The following GAK variants were observed in gnomAD, a reference collection of about 807,000 sequenced individuals.
GAK encodes cyclin G associated kinase.
In GAK, 79 loss-of-function variants were observed where a neutral mutation model predicts 143.9. The observed-to-expected ratio is 0.55, with a 90% CI of 0.46 to 0.66. The LOEUF (loss-of-function observed/expected upper bound fraction) is 0.66, where lower values mean the gene tolerates loss of function less well. GAK is among the 30% of genes least tolerant of loss of function. The pLI, the probability that GAK is intolerant of heterozygous loss-of-function variation, is 0.00. For missense variants in GAK, 1,693 were observed against 1,779.7 expected, an observed-to-expected ratio of 0.95 and a Z score of 0.88; for synonymous variants, 881 against 765.5, an observed-to-expected ratio of 1.15 and a Z score of -2.49.
intron 4 of GAK, among the ~76,000 whole-genome samples, chr4:908,903 A>G (rs185715355): frequency 6.6e-6 from 1 of 152,246 alleles, no homozygotes; most frequent in East Asian, 1.9e-4. Context: ...TTGAGACAAG[A>G]GTCTCGGCTC....
At chr4:925,848 G>A (rs1724629147) in intron 1 of GAK, among the ~76,000 whole-genome samples, 1 of 152,230 alleles carries the variant, frequency 6.6e-6, no homozygotes, top group South Asian at 2.1e-4. Flanking sequence ...TAGGCCCCCA[G>A]TGTACGACGT....
At chr4:872,370 C>T (rs1300232428) in intron 18 of GAK, 1 of 152,272 alleles carries the variant, frequency 6.6e-6, no homozygotes, top group Non-Finnish European at 1.5e-5. Flanking sequence ...CCAACACGAG[C>T]TTCCCCCTGC....
At chr4:902,270 C>T (rs1245125585) in intron 5 of GAK, among the ~76,000 whole-genome samples, 1 of 151,294 alleles carries the variant, frequency 6.6e-6, no homozygotes, top group Non-Finnish European at 1.5e-5. Context: ...TCCTCACGTC[C>T]CCAGAGACAT....
chr4:898,206 T>A (rs1411484878), intron 5 of GAK, 48 bp from the exon 6 acceptor site: 1 of 1,605,812 alleles, frequency 6.2e-7, no homozygotes, highest in Non-Finnish European at 8.5e-7. Flanking sequence ...TAGACAGAGA[T>A]GGGACTTCAG....
At chr4:859,184 C>G in intron 24 of GAK, 4 of 985,378 alleles carry the variant, frequency 4.1e-6, no homozygotes, top group Non-Finnish European at 4.8e-6. Context: ...AGCGCCCGGG[C>G]CGGGCCTGAG....
At chr4:865,745 T>C (rs1437705037) in intron 22 of GAK, among the ~76,000 whole-genome samples, 1 of 152,190 alleles carries the variant, frequency 6.6e-6, no homozygotes, top group East Asian at 1.9e-4. Flanking sequence ...CATCCTGCAA[T>C]GGTCACCATC....
intron 1 of GAK, among the ~76,000 whole-genome samples, chr4:922,965 G>A (rs781237570): frequency 3.9e-5 from 6 of 152,174 alleles, no homozygotes; most frequent in Non-Finnish European, 8.8e-5. Flanking sequence ...GTCTCACCAC[G>A]GGAAACAAGC....
At chr4:878,011 CAG>C (rs1417205811) in intron 15 of GAK, among the ~76,000 whole-genome samples, 4 of 152,006 alleles carry the variant, frequency 2.6e-5, no homozygotes, top group East Asian at 1.9e-4. Context: ...ATTTTTAAGA[CAG>C]AGTCTTAAAA....
intron 24 of GAK, among the ~76,000 whole-genome samples, chr4:857,631 G>T (rs1365190666): frequency 2.0e-5 from 3 of 152,168 alleles, no homozygotes; most frequent in Non-Finnish European, 4.4e-5. Flanking sequence ...AGCCTGCGGG[G>T]TCTGCAGTGG....
At chr4:900,133 C>T (rs1719583943) in intron 5 of GAK, among the ~76,000 whole-genome samples, 1 of 152,246 alleles carries the variant, frequency 6.6e-6, no homozygotes, top group African/African-American at 2.4e-5. Context: ...TCGCGTGTGC[C>T]CGTTCCCATT....
intron 6 of GAK, 111 bp downstream of exon 6, chr4:897,922 C>T: frequency 7.8e-7 from 1 of 1,285,844 alleles, no homozygotes; most frequent in Non-Finnish European, 1.0e-6. Context: ...GCACTCCAGC[C>T]TGGTGACAGA....
intron 12 of GAK, among the ~76,000 whole-genome samples, chr4:883,774 C>T (rs2152818499): frequency 6.6e-6 from 1 of 152,364 alleles, no homozygotes; most frequent in African/African-American, 2.4e-5. Context: ...CCTGGTTTTC[C>T]ACGGACACGG....
Position 859,641 on chromosome 4 carries a change from A to G in GAK, c.3248T>C (p.Phe1083Ser). 1.9e-6 allele frequency: 3 copies of G among 1,601,180 alleles called. No individual in the cohort carries two copies. The highest frequency in any genetic ancestry group is 2.6e-6 in the Non-Finnish European group (3 of 1,169,200). Reference protein sequence around the residue: ...SWTKSQNPDPFADLGDLSSGL... With the variant: ...SWTKSQNPDPSADLGDLSSGL... Reference sequence around the variant, plus strand: ...GGAGCTGAGGTCGCCAAGGTCAGCAAATGGGTCCGGGTTCTGAGACTTGGT... The same window carrying G: ...GGAGCTGAGGTCGCCAAGGTCAGCAGATGGGTCCGGGTTCTGAGACTTGGT... The change falls in exon 24 of 28, where the codon TTT becomes TCT. Residue 1083 changes from phenylalanine (F) to serine (S), a missense_variant. Transcript: ENST00000314167.
intron 11 of GAK, chr4:887,561 C>T (rs1335634269): frequency 6.6e-6 from 1 of 150,388 alleles, no homozygotes; most frequent in African/African-American, 2.5e-5. Context: ...CTCACGCACA[C>T]TCACAGGCAC....
chr4:851,898 C>T lies in GAK; in HGVS notation c.3360G>A (p.Gln1120=). The change falls in exon 25 of 28, where the codon CAG becomes CAA. Residue 1120 remains glutamine (Q), a synonymous_variant. Transcript: ENST00000314167. The part of the protein sequence containing the change: ...ATTPKGSSSW[Q]TSRPPAQGAS... ...CGCCCTGGGCTGGCGGCCGACTTGT[C>T]TGCCAGGAGCTGCTGCCTTTGGGCG... 6.2e-7 allele frequency: 1 copy of T among 1,611,768 alleles called. No individual in the cohort carries two copies. Among genetic ancestry groups the T allele is most frequent in the Non-Finnish European group, 8.5e-7 (1 of 1,178,500 alleles).
chr4:872,852 C>T lies in GAK; in HGVS notation c.2055-1948G>A, dbSNP rs138640651. The T allele has an allele frequency of 2.9e-4, 45 of 154,772 alleles. No homozygotes were observed. The East Asian group carries it at 8.1e-3, about 28-fold the overall frequency. The allele number at this position is 154,772 out of a possible 1,614,324, so 9.6% of individuals were successfully genotyped here. A position where few individuals can be genotyped will look rare whatever the true frequency, so the allele number is the denominator to read the frequency against. On this transcript the variant is annotated intron_variant, in intron 18 of 27. Transcript: ENST00000314167. Reference sequence around the variant, plus strand: ...CAGGCTCCTGCCAGACTAGCTCCAACAGGGCAGAGCGGACTCCTGACAGGC... The same window carrying T: ...CAGGCTCCTGCCAGACTAGCTCCAATAGGGCAGAGCGGACTCCTGACAGGC...
At chr4:912,119 C>T (rs1180350240) in intron 3 of GAK, 1 of 463,272 alleles carries the variant, frequency 2.2e-6, no homozygotes, top group Non-Finnish European at 4.3e-6. Flanking sequence ...TGCGGCGTGG[C>T]TGTGTCCACC....
intron 24 of GAK, 153 bp from the exon 25 acceptor site, chr4:852,127 CA>C: frequency 4.2e-6 from 3 of 707,442 alleles, no homozygotes; most frequent in Non-Finnish European, 7.4e-6. Context: ...CGGCTCCACC[CA>C]CACGTGTGAA....
At chr4:884,274 G>A (rs982725790) in intron 11 of GAK, 188 bp from the exon 12 acceptor site, 3 of 577,232 alleles carry the variant, frequency 5.2e-6, no homozygotes, top group East Asian at 3.0e-5. Flanking sequence ...CTGTGGAGCT[G>A]ACCCCTACAT....
Sources: allele counts gnomAD v4.1 joint callset (sites outside exome capture counted in the v4.1 genomes callset), GRCh38; gene constraint gnomAD v4.1.1; transcripts MANE v1.5; gene names NCBI Gene and HGNC (gene_info 2026-07-23, HGNC 2026-07-21).